The following EIF4G3 variants were observed in gnomAD, a reference collection of about 807,000 sequenced individuals.
The protein encoded by EIF4G3 is eukaryotic translation initiation factor 4 gamma 3.
A neutral mutation model predicts 186.4 loss-of-function variants in EIF4G3; 34 were observed. That is an observed-to-expected ratio of 0.18 (90% CI 0.14 to 0.24). The LOEUF (loss-of-function observed/expected upper bound fraction) is 0.24, where lower values mean the gene tolerates loss of function less well. Among genes scored for constraint, EIF4G3 ranks in the 10% least tolerant of loss-of-function variants. The probability of loss-of-function intolerance (pLI) is 1.00; values close to 1 mark genes in which losing one functional copy is unlikely to be tolerated. For synonymous variants in EIF4G3, 673 were observed against 679.5 expected (o/e 0.99, Z 0.15); for missense variants, 1,536 against 1,948.5 (o/e 0.79, Z 3.99).
chr1:20,873,299 T>G lies in EIF4G3; in HGVS notation c.2622+6024A>C, dbSNP rs942962635. On this transcript the variant is annotated intron_variant, in intron 20 of 36. Coordinates refer to ENST00000602326, the MANE Select transcript of EIF4G3 (RefSeq NM_001391906.1). The stretch of plus-strand genomic sequence containing the variant: ...CAGGCATTTTTTCATTTTTCTTTCC[T>G]GTATAAAAAATGCTACAACATTTTT... 5.9e-5 allele frequency among the ~76,000 whole-genome samples: 9 copies of G among 152,218 alleles called. No homozygotes were observed. In the South Asian group the frequency reaches 1.7e-3, roughly 28 times the overall value.
intron 29 of EIF4G3, among the ~76,000 whole-genome samples, chr1:20,847,296 T>A (rs1571564579): frequency 6.6e-6 from 1 of 152,206 alleles, no homozygotes; most frequent in African/African-American, 2.4e-5. Flanking sequence ...CCAATGTTAA[T>A]ACCTGTTTTA....
intron 4 of EIF4G3, among the ~76,000 whole-genome samples, chr1:21,010,470 AAGAAAAC>A (rs1463958237): frequency 6.6e-6 from 1 of 151,972 alleles, no homozygotes; most frequent in Non-Finnish European, 1.5e-5. Flanking sequence ...GAAAAGAAAA[AAGAAAAC>A]ATGTAACAAA....
At chr1:20,938,003 C>CT (rs200769290) in intron 14 of EIF4G3, among the ~76,000 whole-genome samples, 49,453 of 148,226 alleles carry the variant, frequency 0.33, 8,771 homozygotes, top group Non-Finnish European at 0.41. Flanking sequence ...CTGATGCTTT[C>CT]TTTTTTTTTT....
intron 4 of EIF4G3, among the ~76,000 whole-genome samples, chr1:21,010,187 C>G (rs904181149): frequency 6.6e-6 from 1 of 152,056 alleles, no homozygotes; most frequent in African/African-American, 2.4e-5. Flanking sequence ...TGGCTCACAC[C>G]TGTAATCCCA....
intron 18 of EIF4G3, among the ~76,000 whole-genome samples, chr1:20,891,432 A>G (rs2085987794): frequency 6.6e-6 from 1 of 152,080 alleles, no homozygotes; most frequent in South Asian, 2.1e-4. Context: ...GAACAGTAAC[A>G]CAAATAAAAA....
intron 19 of EIF4G3, among the ~76,000 whole-genome samples, chr1:20,883,039 G>C: frequency 6.6e-6 from 1 of 151,270 alleles, no homozygotes; most frequent in East Asian, 1.9e-4. Flanking sequence ...CTGTGACAGA[G>C]CCACTGAACT....
intron 30 of EIF4G3, 38 bp downstream of exon 30, chr1:20,840,818 C>T (rs756113652): frequency 1.3e-6 from 2 of 1,591,238 alleles, no homozygotes; most frequent in South Asian, 2.2e-5. Flanking sequence ...TACCCAAGAG[C>T]CTAGTAACTG....
At chr1:20,899,972 AT>A in intron 15 of EIF4G3, 29 bp from the exon 16 acceptor site, 1 of 1,587,068 alleles carries the variant, frequency 6.3e-7, no homozygotes, top group Admixed American at 1.8e-5. Context: ...AAGAGGTTAC[AT>A]TTTTTTCCAC....
chr1:21,165,675 T>C (rs10753513), intron 2 of EIF4G3, among the ~76,000 whole-genome samples: 90,713 of 151,792 alleles, frequency 0.6, 27,399 homozygotes, highest in East Asian at 0.76. Flanking sequence ...GCAGGGAGAA[T>C]TGGGGGAAAA....
chr1:21,045,407 T>C (rs974870880), intron 4 of EIF4G3, among the ~76,000 whole-genome samples: 9 of 152,174 alleles, frequency 5.9e-5, no homozygotes, highest in African/African-American at 2.2e-4. Context: ...GTGGATCATA[T>C]ACCATCACCA....
intron 2 of EIF4G3, among the ~76,000 whole-genome samples, chr1:21,138,322 CA>C (rs1217997809): frequency 6.6e-6 from 1 of 152,170 alleles, no homozygotes; most frequent in Non-Finnish European, 1.5e-5. Context: ...AAAATTAACT[CA>C]ATAGGTACAT....
chr1:20,834,875 A>G (rs2066296009), intron 30 of EIF4G3, among the ~76,000 whole-genome samples: 1 of 152,208 alleles, frequency 6.6e-6, no homozygotes, highest in Non-Finnish European at 1.5e-5. Flanking sequence ...TATACTTTAA[A>G]CCAAACAAAA....
intron 29 of EIF4G3, among the ~76,000 whole-genome samples, chr1:20,845,623 C>T (rs1248016500): frequency 6.6e-6 from 1 of 151,934 alleles, no homozygotes; most frequent in Non-Finnish European, 1.5e-5. Flanking sequence ...GATCGCGCCA[C>T]TGCACTCCAG....
intron 3 of EIF4G3, among the ~76,000 whole-genome samples, chr1:21,053,570 G>C (rs1288676978): frequency 1.4e-5 from 2 of 145,252 alleles, no homozygotes; most frequent in African/African-American, 2.6e-5. Context: ...CGCCCGGCCA[G>C]CCGCCCTGTC....
intron 4 of EIF4G3, among the ~76,000 whole-genome samples, chr1:21,015,220 C>A (rs745804311): frequency 3.3e-5 from 5 of 151,852 alleles, no homozygotes; most frequent in Admixed American, 6.6e-5. Flanking sequence ...TTGAAATAAT[C>A]CAGTCTGAGA....
chr1:21,101,395 C>T (rs1472579900), intron 2 of EIF4G3, among the ~76,000 whole-genome samples: 1 of 151,768 alleles, frequency 6.6e-6, no homozygotes, highest in Non-Finnish European at 1.5e-5. Context: ...TGGCAAAACT[C>T]TGTCTCTACC....
At position 20,864,731 on chromosome 1, in the gene EIF4G3, TA is replaced by T. The variant is rs2077172319; in HGVS notation, c.2770-20del. 6.3e-7 allele frequency: 1 copy of T among 1,580,830 alleles called. No individual in the cohort carries two copies. The stretch of plus-strand genomic sequence containing the variant: ...CCTCTGGCTGTTGTGTAAGGAGGAA[TA>T]ATAGCATCTTGATGATGAAAGTTGT... On this transcript the variant is annotated intron_variant, in intron 21 of 36. Transcript: ENST00000602326.
At chr1:21,154,367 T>C (rs139554003) in intron 2 of EIF4G3, among the ~76,000 whole-genome samples, 173 of 152,284 alleles carry the variant, frequency 1.1e-3, no homozygotes, top group African/African-American at 3.9e-3. Context: ...ATAGAAAATA[T>C]GCAGATACAG....
At chr1:21,081,811 T>C (rs1163369326) in intron 3 of EIF4G3, among the ~76,000 whole-genome samples, 1 of 151,978 alleles carries the variant, frequency 6.6e-6, no homozygotes, top group East Asian at 1.9e-4. Context: ...CCAGCTAATT[T>C]TTTGTATTTT....
Sources: gnomAD v4.1 joint callset for allele counts (sites outside exome capture counted in the v4.1 genomes callset) on GRCh38, gnomAD v4.1.1 for gene constraint, MANE v1.5 for transcripts, NCBI Gene and HGNC (gene_info 2026-07-23, HGNC 2026-07-21) for gene names.